PDHX: variants seen among roughly 807,000 people sequenced by gnomAD.
The protein encoded by PDHX is pyruvate dehydrogenase protein X component, mitochondrial.
A neutral mutation model predicts 55.3 loss-of-function variants in PDHX; 33 were observed. The observed-to-expected ratio is 0.60, with a 90% confidence interval of 0.45 to 0.80. PDHX has a LOEUF of 0.80. Ranked by LOEUF, PDHX falls within the 30% of genes least tolerant of loss-of-function variation. The probability of loss-of-function intolerance (pLI) is 0.00; values close to 1 mark genes in which losing one functional copy is unlikely to be tolerated. For synonymous variants in PDHX, 226 were observed against 219.4 expected, an observed-to-expected ratio of 1.03 and a Z score of -0.27; for missense variants, 622 against 619.9, an observed-to-expected ratio of 1.00 and a Z score of -0.04.
chr11:34,969,766 TTGTGTGTGTGTGGTA>T (rs1855216730), intron 6 of PDHX, among the ~76,000 whole-genome samples: 2 of 152,006 alleles, frequency 1.3e-5, no homozygotes, highest in South Asian at 2.1e-4. Context: ...ATATTGCTCC[TTGTGTGTGTGTGGTA>T]TGTGTGTGTG....
intron 8 of PDHX, among the ~76,000 whole-genome samples, 190 bp from the exon 9 acceptor site, chr11:34,984,380 T>G (rs1306922498): frequency 6.6e-6 from 1 of 152,216 alleles, no homozygotes; most frequent in African/African-American, 2.4e-5. Context: ...GGTGGTATGT[T>G]TAATTATTCT....
At chr11:34,965,606 C>T (rs1855114045) in intron 5 of PDHX, among the ~76,000 whole-genome samples, 2 of 152,088 alleles carry the variant, frequency 1.3e-5, no homozygotes, top group South Asian at 2.1e-4. Context: ...AGGCCAGATA[C>T]AGTCAAGAGG....
At chr11:34,971,354 G>A (rs1183048521) in intron 7 of PDHX, among the ~76,000 whole-genome samples, 1 of 152,016 alleles carries the variant, frequency 6.6e-6, no homozygotes, top group Admixed American at 6.6e-5. Context: ...AATGAATATA[G>A]ATGGTAAAAG....
intron 8 of PDHX, 55 bp from the exon 9 acceptor site, chr11:34,984,515 A>G (rs1266969085): frequency 2.7e-6 from 4 of 1,459,938 alleles, no homozygotes; most frequent in South Asian, 1.1e-5. Context: ...TTTTTCTGTA[A>G]CCGCCTTGGT....
chr11:34,944,991 G>A (rs1854587814), intron 2 of PDHX, among the ~76,000 whole-genome samples: 1 of 151,916 alleles, frequency 6.6e-6, no homozygotes, highest in Non-Finnish European at 1.5e-5. Context: ...CCCTCAGTTA[G>A]ATAATCAACT....
intron 4 of PDHX, among the ~76,000 whole-genome samples, chr11:34,958,522 C>T (rs1008198772): frequency 3.9e-5 from 6 of 152,096 alleles, no homozygotes; most frequent in African/African-American, 1.2e-4. Flanking sequence ...AGGCTGGTCT[C>T]GAACTCCTGA....
chr11:34,974,377 A>G (rs561261590), intron 7 of PDHX, among the ~76,000 whole-genome samples: 3 of 152,316 alleles, frequency 2.0e-5, no homozygotes, highest in Admixed American at 1.3e-4. Flanking sequence ...GTTCCATTGT[A>G]TGTATCTACC....
chr11:34,980,491 T>G (rs1476277038), intron 8 of PDHX, among the ~76,000 whole-genome samples: 1 of 151,904 alleles, frequency 6.6e-6, no homozygotes, highest in East Asian at 1.9e-4. Flanking sequence ...CCCATAAGTC[T>G]TCTTTACATT....
intron 5 of PDHX, among the ~76,000 whole-genome samples, chr11:34,965,887 G>T (rs908557284): frequency 1.3e-5 from 2 of 151,760 alleles, no homozygotes; most frequent in African/African-American, 4.8e-5. Context: ...ATACTTATTG[G>T]ATATTAAAAT....
At chr11:34,948,936 T>G (rs1291527875) in intron 3 of PDHX, among the ~76,000 whole-genome samples, 1 of 152,198 alleles carries the variant, frequency 6.6e-6, no homozygotes, top group Non-Finnish European at 1.5e-5. Flanking sequence ...CTTCCAGAAT[T>G]GATAGCATTT....
At chr11:34,952,652 A>G (rs564080890) in intron 3 of PDHX, among the ~76,000 whole-genome samples, 73 of 152,054 alleles carry the variant, frequency 4.8e-4, no homozygotes, top group African/African-American at 1.6e-3. Flanking sequence ...CCTTCATGCT[A>G]AAAACTCTCA....
intron 7 of PDHX, 123 bp downstream of exon 7, chr11:34,970,409 C>A: frequency 1.2e-6 from 1 of 806,304 alleles, no homozygotes; most frequent in South Asian, 1.6e-5. Context: ...TCATAATGTA[C>A]TTGCACTCTA....
chr11:34,937,621 A>G (rs1714217346), intron 2 of PDHX, among the ~76,000 whole-genome samples: 1 of 152,190 alleles, frequency 6.6e-6, no homozygotes, highest in Admixed American at 6.5e-5. Context: ...ACTTGGAGAC[A>G]GAAATTTGAG....
In PDHX at chr11:34,960,515, A is replaced by T; in HGVS notation, c.638A>T (p.Lys213Ile). 6.4e-7 allele frequency: 1 copy of T among 1,572,180 alleles called. No individual in the cohort carries two copies. Among genetic ancestry groups the T allele is most frequent in the South Asian group, 1.1e-5 (1 of 90,196 alleles). ...ACTGGCCCTCGGGGGATATTCACTA[A>T]AGAGTATGTGTTTGCTTTTTGTAAT... ...TATGPRGIFTKEDALKLVQLK... is the reference protein window; with the variant it reads ...TATGPRGIFTIEDALKLVQLK... Residue 213 changes from lysine to isoleucine, a missense_variant, in exon 5 of 11, where the codon AAA (lysine) becomes ATA (isoleucine). By Grantham distance (102) the Lys-to-Ile change is moderately radical (BLOSUM62 -3). Transcript: ENST00000227868.
intron 7 of PDHX, among the ~76,000 whole-genome samples, chr11:34,975,389 T>C (rs1055724227): frequency 6.6e-6 from 1 of 152,188 alleles, no homozygotes; most frequent in Non-Finnish European, 1.5e-5. Context: ...ACTTTTTGAA[T>C]TGCCCAAAGC....
chr11:34,954,672 G>A (rs185772557), intron 3 of PDHX, among the ~76,000 whole-genome samples: 4 of 152,192 alleles, frequency 2.6e-5, no homozygotes, highest in African/African-American at 9.6e-5. Context: ...TGAATGTATT[G>A]TTTTAAAAAA....
chr11:34,992,520 A>C, intron 10 of PDHX, 141 bp downstream of exon 10: 1 of 593,378 alleles, frequency 1.7e-6, no homozygotes, highest in African/African-American at 1.9e-5. Context: ...AGAATATCTG[A>C]AAAAATTCTT....
chr11:34,992,654 C>G (rs923861760), intron 10 of PDHX, among the ~76,000 whole-genome samples: 6 of 152,050 alleles, frequency 3.9e-5, no homozygotes, highest in African/African-American at 1.4e-4. Flanking sequence ...TGACCCACCC[C>G]CAATATTAAT....
chr11:34,977,362 T>C (rs1413578541), intron 7 of PDHX, among the ~76,000 whole-genome samples: 6 of 152,168 alleles, frequency 3.9e-5, no homozygotes, highest in Non-Finnish European at 5.9e-5. Flanking sequence ...ACAAATACTT[T>C]AGTTATGATC....
Sources: allele counts gnomAD v4.1 joint callset (sites outside exome capture counted in the v4.1 genomes callset), GRCh38; gene constraint gnomAD v4.1.1; transcripts MANE v1.5; gene names NCBI Gene and HGNC (gene_info 2026-07-23, HGNC 2026-07-21).